Variants in UBE3A observed in about 807,000 individuals in gnomAD.
The protein encoded by UBE3A is ubiquitin-protein ligase E3A.
Under a neutral mutation model 83.4 loss-of-function variants are expected in UBE3A, and 6 were observed. The observed-to-expected ratio is 0.07, with a 90% CI of 0.04 to 0.14. The LOEUF is 0.14. UBE3A is among the 10% of genes least tolerant of loss of function. UBE3A has a pLI of 1.00. For synonymous variants in UBE3A, 337 were observed against 355.4 expected (o/e 0.95, Z 0.58); for missense variants, 456 against 1,036.1 (o/e 0.44, Z 7.69).
chr15:25,365,298 C>T (rs1375963831), intron 6 of UBE3A, among the ~76,000 whole-genome samples: 1 of 152,096 alleles, frequency 6.6e-6, no homozygotes, highest in South Asian at 2.1e-4. Flanking sequence ...AAAAGGAAAA[C>T]CTTATCACTT....
chr15:25,421,060 C>T (rs1396274143), intron 1 of UBE3A, among the ~76,000 whole-genome samples: 1 of 152,182 alleles, frequency 6.6e-6, no homozygotes, highest in Non-Finnish European at 1.5e-5. Flanking sequence ...GCCCAAATCT[C>T]ATGTTAAAAT....
rs2073964221 is a variant in UBE3A at position 25,336,444 on chromosome 15, G to A, written c.*2693C>T. The A allele has an allele frequency of 6.6e-6, 1 of 152,212 alleles. No homozygotes were observed. The highest frequency in any genetic ancestry group is 2.1e-4 in the South Asian group (1 of 4,830). 9.4% of individuals were successfully genotyped at this position (152,212 alleles called of 1,614,324 possible). ...GTCATGTTTTTAATGGGAATAGGGA[G>A]TGATGCTGCCCCATTACAACCATCT... is the stretch of plus-strand genomic sequence containing the variant. On this transcript the variant is annotated 3_prime_UTR_variant, in exon 13 of 13. Coordinates refer to ENST00000648336, the MANE Select transcript of UBE3A (RefSeq NM_130839.5).
intron 11 of UBE3A, among the ~76,000 whole-genome samples, chr15:25,342,220 T>G (rs549385534): frequency 6.6e-6 from 1 of 151,892 alleles, no homozygotes; most frequent in African/African-American, 2.4e-5. Flanking sequence ...TGCCCTGCAG[T>G]GGGTGGTAAT....
chr15:25,421,573 G>C (rs115500233), intron 1 of UBE3A, among the ~76,000 whole-genome samples: 15 of 152,272 alleles, frequency 9.9e-5, no homozygotes, highest in African/African-American at 3.6e-4. Flanking sequence ...AGGCAATGAA[G>C]AGTTACTGTT....
chr15:25,418,395 C>G (rs1283593952), intron 1 of UBE3A: 1 of 152,128 alleles, frequency 6.6e-6, no homozygotes, highest in African/African-American at 2.4e-5. Context: ...CAGCCTGGAA[C>G]TGAAAACAGC....
At chr15:25,402,751 T>C (rs1044500896) in intron 4 of UBE3A, among the ~76,000 whole-genome samples, 3 of 152,248 alleles carry the variant, frequency 2.0e-5, no homozygotes, top group African/African-American at 7.2e-5. Context: ...ACACAAGTAA[T>C]GTAAAACTGT....
intron 11 of UBE3A, among the ~76,000 whole-genome samples, chr15:25,351,171 C>T (rs531685868): frequency 6.6e-6 from 1 of 152,066 alleles, no homozygotes; most frequent in African/African-American, 2.4e-5. Context: ...TAAGCATTAT[C>T]GTATATGATA....
chr15:25,382,270 G>A (rs111970315), intron 4 of UBE3A, among the ~76,000 whole-genome samples: 5 of 151,664 alleles, frequency 3.3e-5, no homozygotes, highest in African/African-American at 7.3e-5. Context: ...GCAGTGAGCC[G>A]AGACAGAGCC....
intron 11 of UBE3A, among the ~76,000 whole-genome samples, chr15:25,341,221 C>T (rs1384879768): frequency 2.2e-5 from 3 of 133,410 alleles, no homozygotes; most frequent in African/African-American, 8.5e-5. Context: ...AGGTGCCTGC[C>T]ACCACGCCTG....
rs1298636264 is a variant in UBE3A at position 25,350,531 on chromosome 15, A to C, written c.2354+3822T>G. The stretch of plus-strand genomic sequence containing the variant: ...GTCAATAGAAATACAAAAATCCAAT[A>C]TTAAAAATGAGGAAAAGACACTTTT... On this transcript the variant is annotated intron_variant, in intron 11 of 12. Transcript: ENST00000648336. Among the ~76,000 whole-genome samples the C allele has an allele frequency of 3.3e-5, 5 of 152,178 alleles. No individual in the cohort carries two copies. In the East Asian group the frequency reaches 9.6e-4, roughly 29 times the overall value.
rs1445381633 is a variant in UBE3A at position 25,334,363 on chromosome 15, G to C, written c.*4774C>G. On this transcript the variant is annotated 3_prime_UTR_variant, in exon 13 of 13. Transcript: ENST00000648336. ...CTTAGAAAAAAATTAAAGACGTCAAGACTTGCACACTGAAATCTCTAAAAC... is the reference window on the plus strand; with the variant it reads ...CTTAGAAAAAAATTAAAGACGTCAACACTTGCACACTGAAATCTCTAAAAC... 6.6e-6 allele frequency: 1 copy of C among 151,986 alleles called. No individual in the cohort carries two copies. The highest frequency in any genetic ancestry group is 2.4e-5 in the African/African-American group (1 of 41,392). 9.4% of individuals were successfully genotyped at this position (151,986 alleles called of 1,614,324 possible). A position where few individuals can be genotyped will look rare whatever the true frequency, so the allele number is the denominator to read the frequency against.
intron 4 of UBE3A, among the ~76,000 whole-genome samples, chr15:25,402,857 A>C (rs1596213132): frequency 1.3e-5 from 2 of 152,238 alleles, no homozygotes; most frequent in East Asian, 3.9e-4. Context: ...TTGTGTGTAG[A>C]CAGTTGTTCA....
chr15:25,379,308 C>T (rs2081766377), intron 4 of UBE3A, among the ~76,000 whole-genome samples: 1 of 152,124 alleles, frequency 6.6e-6, no homozygotes, highest in African/African-American at 2.4e-5. Context: ...CACTATAAAC[C>T]TTCATTCTGC....
chr15:25,406,598 A>G (rs542196615), intron 3 of UBE3A, among the ~76,000 whole-genome samples: 1 of 152,208 alleles, frequency 6.6e-6, no homozygotes, highest in Admixed American at 6.5e-5. Context: ...CTAAATTTTC[A>G]AATTGGCATT....
Position 25,339,116 on chromosome 15 carries a change from T to TTTATTTTGTTTTG in UBE3A, c.*8_*20dup. 2.0e-6 allele frequency: 3 copies of TTTATTTTGTTTTG among 1,502,840 alleles called. No homozygotes were observed. The highest frequency in any genetic ancestry group is 2.4e-5 in the East Asian group (1 of 42,026). The allele number at this position is 1,502,840 out of a possible 1,614,324, so 93.1% of individuals were successfully genotyped here. A position where few individuals can be genotyped will look rare whatever the true frequency, so the allele number is the denominator to read the frequency against. On this transcript the variant is annotated 3_prime_UTR_variant, in exon 13 of 13. Transcript: ENST00000648336. The stretch of plus-strand genomic sequence containing the variant: ...TTTTTTTTTCCTTCCTTTTTTTTGT[T>TTTATTTTGTTTTG]TTATTTTGTTTTGTTTTGTTTTACA...
intron 11 of UBE3A, among the ~76,000 whole-genome samples, chr15:25,341,868 A>G (rs1192302164): frequency 2.0e-5 from 3 of 151,388 alleles, no homozygotes; most frequent in African/African-American, 4.9e-5. Flanking sequence ...CTACCTTTTG[A>G]TATTCTAATA....
chr15:25,380,124 C>T (rs956077785), intron 4 of UBE3A, among the ~76,000 whole-genome samples: 4 of 152,020 alleles, frequency 2.6e-5, no homozygotes, highest in African/African-American at 9.7e-5. Flanking sequence ...CAGGGGTTTC[C>T]GCTTTTGCAT....
chr15:25,385,060 A>C (rs915844670), intron 4 of UBE3A, among the ~76,000 whole-genome samples: 1 of 152,212 alleles, frequency 6.6e-6, no homozygotes, highest in Non-Finnish European at 1.5e-5. Flanking sequence ...TGATTTCTTG[A>C]ATAGATCACC....
At chr15:25,376,492 T>A (rs757438) in intron 4 of UBE3A, among the ~76,000 whole-genome samples, 57,403 of 151,458 alleles carry the variant, frequency 0.38, 14,342 homozygotes, top group African/African-American at 0.72. Flanking sequence ...CAAACTTTTT[T>A]AAAAAAAATT....
Sources: gnomAD v4.1 joint callset for allele counts (sites outside exome capture counted in the v4.1 genomes callset) on GRCh38, gnomAD v4.1.1 for gene constraint, MANE v1.5 for transcripts, NCBI Gene and HGNC (gene_info 2026-07-23, HGNC 2026-07-21) for gene names.